Variants in ART3 observed in about 807,000 individuals in gnomAD.
ART3 encodes ADP-ribosyltransferase 3 (inactive), also known as ecto-ADP-ribosyltransferase 3.
In ART3, 49 loss-of-function variants were observed where a neutral mutation model predicts 48.5. That is an observed-to-expected ratio of 1.01 (90% confidence interval 0.80 to 1.28). The LOEUF (loss-of-function observed/expected upper bound fraction) is 1.28, where lower values mean the gene tolerates loss of function less well. Among genes scored for constraint, ART3 ranks in the 50% most tolerant of loss-of-function variants. The probability of loss-of-function intolerance (pLI) is 0.00; values close to 1 mark genes in which losing one functional copy is unlikely to be tolerated. For missense variants in ART3, 438 were observed against 454.3 expected (o/e 0.96, Z 0.33); for synonymous variants, 145 against 157.2 (o/e 0.92, Z 0.58).
chr4:76,109,703 C>T (rs183482873), intron 11 of ART3, among the ~76,000 whole-genome samples: 25 of 152,252 alleles, frequency 1.6e-4, no homozygotes, highest in Non-Finnish European at 3.1e-4. Context: ...AAATTTTCAG[C>T]TCTATTATAA....
intron 2 of ART3, among the ~76,000 whole-genome samples, chr4:76,076,789 C>T (rs185116562): frequency 9.2e-5 from 14 of 152,140 alleles, no homozygotes; most frequent in Admixed American, 4.6e-4. Context: ...TTGCAATTGA[C>T]TCTTTAAGCA....
rs754174992 is a variant in ART3 at position 76,104,599 on chromosome 4, A to T, written c.973A>T (p.Met325Leu). 6.4e-7 allele frequency: 1 copy of T among 1,551,604 alleles called. No individual in the cohort carries two copies. Among genetic ancestry groups the T allele is most frequent in the Non-Finnish European group, 8.7e-7 (1 of 1,146,910 alleles). Residue 325 changes from methionine to leucine, a missense_variant and splice_region_variant, in exon 10 of 12, where the codon ATG becomes TTG. Physicochemically the swap from Met to Leu is conservative, Grantham distance 15. Coordinates refer to ENST00000355810, the MANE Select transcript of ART3 (RefSeq NM_001130016.3). ...TTGGAAACTTCCTTCTCATTTAGGAATGAAAATTCCAGAACCTTTTCCACT... is the reference window on the plus strand; with the variant it reads ...TTGGAAACTTCCTTCTCATTTAGGATTGAAAATTCCAGAACCTTTTCCACT... ...KILEPTQIPG[M>L]KIPEPFPLPE...
At chr4:76,110,298 A>T (rs1281244097) in intron 11 of ART3, among the ~76,000 whole-genome samples, 1 of 152,222 alleles carries the variant, frequency 6.6e-6, no homozygotes, top group Non-Finnish European at 1.5e-5. Flanking sequence ...AGGTATTATA[A>T]GAAATCTAGA....
intron 1 of ART3, chr4:76,035,164 C>T (rs1353152453): frequency 6.2e-7 from 1 of 1,612,956 alleles, no homozygotes; most frequent in South Asian, 1.1e-5. Context: ...GATGCAAATA[C>T]ATAAACAAAA....
chr4:76,081,849 C>A lies in ART3; in HGVS notation c.95C>A (p.Ala32Glu). 2.5e-6 allele frequency: 4 copies of A among 1,613,798 alleles called. No homozygotes were observed. Among genetic ancestry groups the A allele is most frequent in the South Asian group, 2.2e-5 (2 of 91,026 alleles). The stretch of plus-strand genomic sequence containing the variant: ...GTGAAGGCTGAAGTGTTAGACATGG[C>A]AGATAATGCATTTGATGATGAATAC... ...FQVKAEVLDMADNAFDDEYLK... is the reference protein window; with the variant it reads ...FQVKAEVLDMEDNAFDDEYLK... Residue 32 changes from alanine to glutamate, a missense_variant, in exon 3 of 12, where the codon GCA becomes GAA. Coordinates refer to ENST00000355810, the MANE Select transcript of ART3 (RefSeq NM_001130016.3).
chr4:76,011,794 A>G (rs1271520641), intron 1 of ART3, among the ~76,000 whole-genome samples: 2 of 152,240 alleles, frequency 1.3e-5, no homozygotes, highest in Non-Finnish European at 2.9e-5. Context: ...AGGCCTGTCC[A>G]GACACTAGTT....
At chr4:76,011,875 C>T (rs186588425) in intron 1 of ART3, among the ~76,000 whole-genome samples, 1 of 152,210 alleles carries the variant, frequency 6.6e-6, no homozygotes, top group African/African-American at 2.4e-5. Flanking sequence ...AAGCAGGCAG[C>T]GGGAAGGAGA....
chr4:76,060,329 A>G (rs535681314), intron 1 of ART3, among the ~76,000 whole-genome samples: 33 of 124,922 alleles, frequency 2.6e-4, no homozygotes, highest in Non-Finnish European at 4.2e-4. Flanking sequence ...CCCTTATTTC[A>G]TATCAGTTTG....
chr4:76,016,044 CAG>C (rs1359959380), intron 1 of ART3, among the ~76,000 whole-genome samples: 1 of 152,154 alleles, frequency 6.6e-6, no homozygotes, highest in Admixed American at 6.5e-5. Context: ...ATTTTGGTAT[CAG>C]GGTAATACTG....
chr4:76,052,771 C>T (rs74448107), intron 1 of ART3, among the ~76,000 whole-genome samples: 19,007 of 147,282 alleles, frequency 0.13, 1,650 homozygotes, highest in East Asian at 0.4. Flanking sequence ...CTGGAGTGCA[C>T]GGGCACGATC....
intron 1 of ART3, among the ~76,000 whole-genome samples, chr4:76,045,730 A>G (rs28896243): frequency 0.62 from 93,527 of 151,706 alleles, 30,186 homozygotes; most frequent in East Asian, 0.94. Flanking sequence ...GTTCCCTTTC[A>G]ACTAGATGAG....
At chr4:76,019,472 C>T (rs1376251784) in intron 1 of ART3, among the ~76,000 whole-genome samples, 2 of 89,492 alleles carry the variant, frequency 2.2e-5, no homozygotes, top group Non-Finnish European at 4.7e-5. Context: ...AAAATTCAAT[C>T]TGATAAAAAA....
rs368229667 is a variant in ART3, at chr4:76,067,071, G to A, written c.-9-8810G>A. 1.1e-3 allele frequency among the ~76,000 whole-genome samples: 165 copies of A among 152,342 alleles called. 3 individuals carry two copies. The highest frequency in any genetic ancestry group is 3.7e-3 in the African/African-American group (152 of 41,582). The stretch of plus-strand genomic sequence containing the variant: ...TGGCCACACCTTCCTGCCACAGCTG[G>A]GATGATGGCAGGCCAACTGGAGTGG... On this transcript the variant is annotated intron_variant, in intron 1 of 9. Transcript: ENST00000341029.
intron 1 of ART3, among the ~76,000 whole-genome samples, chr4:76,040,520 TC>T (rs1312963160): frequency 2.0e-4 from 18 of 90,040 alleles, no homozygotes; most frequent in African/African-American, 7.6e-4. Context: ...TATCAGGTTC[TC>T]CCCCCCGCCC....
intron 1 of ART3, among the ~76,000 whole-genome samples, chr4:76,020,248 T>C (rs1388555635): frequency 6.6e-6 from 1 of 152,034 alleles, no homozygotes; most frequent in Non-Finnish European, 1.5e-5. Context: ...TGCCTCAGCC[T>C]CCTGAGTAGC....
chr4:76,106,436 T>C, intron 10 of ART3: 1 of 914,846 alleles, frequency 1.1e-6, no homozygotes, highest in African/African-American at 1.8e-5. Context: ...AGGCGCCTTC[T>C]GGCCGAGTTA....
intron 1 of ART3, among the ~76,000 whole-genome samples, chr4:76,048,901 A>G (rs1389240162): frequency 1.3e-5 from 2 of 151,878 alleles, no homozygotes; most frequent in Admixed American, 6.6e-5. Context: ...CTGTCCTATA[A>G]AGATCTTATG....
At chr4:76,096,170 G>A (rs1445600703) in intron 3 of ART3, among the ~76,000 whole-genome samples, 1 of 152,072 alleles carries the variant, frequency 6.6e-6, no homozygotes, top group Non-Finnish European at 1.5e-5. Context: ...TGATCCACCC[G>A]CCCTTGGTCT....
rs758738093 is a variant in ART3, at chr4:76,081,895, G to C, written c.141G>C (p.Met47Ile). The change falls in exon 3 of 12, where the codon ATG (methionine) becomes ATC (isoleucine). Residue 47 changes from methionine (M) to isoleucine (I), a missense_variant. Coordinates refer to ENST00000355810, the MANE Select transcript of ART3 (RefSeq NM_001130016.3). ...AATACCTGAAATGTACGGACAGGAT[G>C]GAAATTAAATACGTTCCCCAACTGC... ...DDEYLKCTDR[M>I]EIKYVPQLLK... 1 of 1,614,138 alleles carries C rather than the reference G, an allele frequency of 6.2e-7. No individual in the cohort carries two copies. Among genetic ancestry groups the C allele is most frequent in the Non-Finnish European group, 8.5e-7 (1 of 1,180,026 alleles).
Sources: allele counts gnomAD v4.1 joint callset (sites outside exome capture counted in the v4.1 genomes callset), GRCh38; gene constraint gnomAD v4.1.1; transcripts MANE v1.5; gene names NCBI Gene and HGNC (gene_info 2026-07-23, HGNC 2026-07-21).